The following HOMER2 variants were observed in gnomAD, a reference collection of about 807,000 sequenced individuals.
HOMER2 encodes homer scaffold protein 2.
Under a neutral mutation model 47.0 loss-of-function variants are expected in HOMER2, and 27 were observed. That is an observed-to-expected ratio of 0.57 (90% confidence interval 0.42 to 0.79). The LOEUF (loss-of-function observed/expected upper bound fraction) is 0.79, where lower values mean the gene tolerates loss of function less well. Among genes scored for constraint, HOMER2 ranks in the 30% least tolerant of loss-of-function variants. HOMER2 has a pLI of 0.00. For synonymous variants in HOMER2, 161 were observed against 163.8 expected (o/e 0.98, Z 0.13); for missense variants, 443 against 435.0 (o/e 1.02, Z -0.16).
chr15:82,897,070 T>G (rs1018713593), intron 1 of HOMER2, among the ~76,000 whole-genome samples: 1 of 129,372 alleles, frequency 7.7e-6, no homozygotes, highest in African/African-American at 3.8e-5. Context: ...CATTTCTTTT[T>G]TTTTTTTTTT....
chr15:82,878,990 T>C (rs143581897), intron 2 of HOMER2, among the ~76,000 whole-genome samples: 60 of 152,318 alleles, frequency 3.9e-4, no homozygotes, highest in African/African-American at 1.4e-3. Flanking sequence ...CTGATTCTAT[T>C]TGGGTATTTT....
intron 1 of HOMER2, among the ~76,000 whole-genome samples, chr15:82,897,211 G>A (rs1240299851): frequency 2.6e-5 from 4 of 151,640 alleles, no homozygotes; most frequent in South Asian, 2.1e-4. Context: ...GATTACAGGC[G>A]CCTGCCACCA....
intron 1 of HOMER2, among the ~76,000 whole-genome samples, chr15:82,941,624 T>C (rs951454746): frequency 4.0e-5 from 6 of 151,720 alleles, no homozygotes; most frequent in African/African-American, 1.5e-4. Context: ...GGCCTCATTC[T>C]TCAACACCAG....
intron 1 of HOMER2, among the ~76,000 whole-genome samples, chr15:82,959,752 A>C (rs2079691116): frequency 2.0e-5 from 3 of 152,294 alleles, no homozygotes; most frequent in Middle Eastern, 6.8e-3. Context: ...CTTGGTGTTC[A>C]AAGAGAAGTA....
chr15:82,915,543 C>A (rs1318830889), intron 1 of HOMER2, among the ~76,000 whole-genome samples: 8 of 151,956 alleles, frequency 5.3e-5, no homozygotes, highest in Admixed American at 3.9e-4. Context: ...AAAAAACAAA[C>A]AAACAAACAA....
intron 4 of HOMER2, 61 bp downstream of exon 4, chr15:82,864,106 A>C (rs1047553009): frequency 9.5e-6 from 10 of 1,053,154 alleles, no homozygotes; most frequent in Middle Eastern, 2.1e-4. Flanking sequence ...AGAAGTGACA[A>C]GGAACAAAGA....
chr15:82,978,914 T>C (rs2030298349), intron 1 of HOMER2, among the ~76,000 whole-genome samples: 1 of 152,122 alleles, frequency 6.6e-6, no homozygotes, highest in Admixed American at 6.5e-5. Context: ...AGAGACCGGG[T>C]TTCACCGTGT....
chr15:82,916,994 G>T (rs1237877822), intron 1 of HOMER2, among the ~76,000 whole-genome samples: 4 of 152,280 alleles, frequency 2.6e-5, no homozygotes, highest in Admixed American at 1.3e-4. Flanking sequence ...TAGAGACGGG[G>T]TTTCACCATG....
chr15:82,872,220 T>A (rs2052199830), intron 3 of HOMER2, among the ~76,000 whole-genome samples: 1 of 152,096 alleles, frequency 6.6e-6, no homozygotes, highest in Non-Finnish European at 1.5e-5. Flanking sequence ...AGCTAATTAT[T>A]CTTTCAACAA....
rs141571011 is a variant in HOMER2, at chr15:82,870,241, A to G, written c.294+5032T>C. 8.5e-5 allele frequency among the ~76,000 whole-genome samples: 13 copies of G among 152,296 alleles called. No individual in the cohort carries two copies. In the East Asian group the frequency reaches 2.5e-3, roughly 29 times the overall value. On this transcript the variant is annotated intron_variant, in intron 3 of 8. Transcript: ENST00000450735. ...TGGAGCAGGAAATTTCCTAGGTGCTAGAGAATGAAAGCTAGTCTAAGCCAA... is the reference window on the plus strand; with the variant it reads ...TGGAGCAGGAAATTTCCTAGGTGCTGGAGAATGAAAGCTAGTCTAAGCCAA...
At chr15:82,952,443 G>A (rs1228457945) in intron 1 of HOMER2, 88 bp downstream of exon 1, 1 of 973,968 alleles carries the variant, frequency 1.0e-6, no homozygotes, top group African/African-American at 1.7e-5. Flanking sequence ...CCGGCCCGCC[G>A]GGAGGCTCCG....
intron 2 of HOMER2, among the ~76,000 whole-genome samples, chr15:82,875,953 G>T (rs2151071519): frequency 6.6e-6 from 1 of 152,328 alleles, no homozygotes; most frequent in East Asian, 1.9e-4. Flanking sequence ...GGGTGTGAGT[G>T]GGGTACAGGG....
intron 1 of HOMER2, among the ~76,000 whole-genome samples, chr15:82,905,504 T>C (rs1042546581): frequency 6.6e-6 from 1 of 151,946 alleles, no homozygotes; most frequent in Non-Finnish European, 1.5e-5. Context: ...CCAGAAAAAC[T>C]ATACCCTAGG....
intron 1 of HOMER2, among the ~76,000 whole-genome samples, chr15:82,904,686 G>A (rs1163555612): frequency 6.6e-6 from 1 of 152,138 alleles, no homozygotes; most frequent in Non-Finnish European, 1.5e-5. Flanking sequence ...CTTAAGCGGA[G>A]AGAAAATAAT....
chr15:82,898,619 T>G (rs2053014029), intron 1 of HOMER2, among the ~76,000 whole-genome samples: 1 of 152,218 alleles, frequency 6.6e-6, no homozygotes, highest in African/African-American at 2.4e-5. Flanking sequence ...TGACAGTAAT[T>G]GTTCCCAAGA....
chr15:82,949,188 G>C (rs748814975), intron 1 of HOMER2, among the ~76,000 whole-genome samples: 14 of 152,172 alleles, frequency 9.2e-5, no homozygotes. Context: ...GTATTGACGA[G>C]AGTCAGAAGC....
chr15:82,923,657 C>T (rs1032192826), intron 1 of HOMER2, among the ~76,000 whole-genome samples: 6 of 152,160 alleles, frequency 3.9e-5, no homozygotes, highest in African/African-American at 1.4e-4. Context: ...ACATGCTCTA[C>T]AGCAGAACCG....
At chr15:82,914,160 C>T (rs946608055) in intron 1 of HOMER2, among the ~76,000 whole-genome samples, 1 of 148,774 alleles carries the variant, frequency 6.7e-6, no homozygotes, top group Non-Finnish European at 1.5e-5. Flanking sequence ...CACGGTGAAA[C>T]CCCATCTCTA....
intron 1 of HOMER2, chr15:82,952,158 C>T: frequency 1.9e-6 from 1 of 538,740 alleles, no homozygotes; most frequent in Non-Finnish European, 2.4e-6. Flanking sequence ...ACGTGGAGAA[C>T]GACAAACTGC....
Sources: gnomAD v4.1 joint callset for allele counts (sites outside exome capture counted in the v4.1 genomes callset) on GRCh38, gnomAD v4.1.1 for gene constraint, MANE v1.5 for transcripts, NCBI Gene and HGNC (gene_info 2026-07-23, HGNC 2026-07-21) for gene names.